Variants in ZRANB1 observed in about 807,000 individuals in gnomAD.
ZRANB1 encodes ubiquitin thioesterase ZRANB1.
ZRANB1 carries 16 observed loss-of-function variants against 80.5 expected under a neutral mutation model. That is an observed-to-expected ratio of 0.20 (90% CI 0.13 to 0.30). ZRANB1 has a LOEUF of 0.30. Among genes scored for constraint, ZRANB1 ranks in the 10% least tolerant of loss-of-function variants. The pLI is 1.00. For missense variants in ZRANB1, 576 were observed against 862.6 expected, an observed-to-expected ratio of 0.67 and a Z score of 4.16; for synonymous variants, 291 against 293.1, an observed-to-expected ratio of 0.99 and a Z score of 0.07.
At chr10:124,940,159 A>G (rs1357536339), upstream of ZRANB1, among the ~76,000 whole-genome samples, 6 of 152,256 alleles carry the variant, frequency 3.9e-5, no homozygotes, top group African/African-American at 1.4e-4. Flanking sequence ...TTAAGGTTAT[A>G]TAGAAAAATG....
At chr10:124,988,189 A>AT (rs1305348568), downstream of ZRANB1, 1 of 152,616 alleles carries the variant, frequency 6.6e-6, no homozygotes, top group African/African-American at 2.4e-5. Context: ...ATCACAGGTA[A>AT]TTAATTGTCA....
intron 1 of ZRANB1, chr10:124,945,492 G>T (rs1030942706): frequency 7.0e-6 from 1 of 142,564 alleles, no homozygotes; most frequent in Non-Finnish European, 1.5e-5. Flanking sequence ...GTACATGTAG[G>T]TTTATAGATG....
At chr10:124,968,903 A>G (rs1951797993) in intron 2 of ZRANB1, among the ~76,000 whole-genome samples, 2 of 152,202 alleles carry the variant, frequency 1.3e-5, no homozygotes, top group Admixed American at 1.3e-4. Flanking sequence ...CAACAAATGT[A>G]TGTTATCTCA....
chr10:124,966,274 T>A (rs908924525), intron 1 of ZRANB1, among the ~76,000 whole-genome samples: 1 of 152,050 alleles, frequency 6.6e-6, no homozygotes, highest in African/African-American at 2.4e-5. Context: ...TCAGTGTCTC[T>A]TGTTACGTCT....
intron 2 of ZRANB1, among the ~76,000 whole-genome samples, chr10:124,967,724 A>G (rs1331734822): frequency 6.6e-6 from 1 of 152,038 alleles, no homozygotes; most frequent in Non-Finnish European, 1.5e-5. Context: ...AGAGGGTTGG[A>G]GAGACTGAGA....
chr10:124,983,658 A>G lies in ZRANB1; in HGVS notation c.1878A>G (p.Leu626=), dbSNP rs1241693195. ...FLPLVDSERK[L]LHVHFLSAQE... ...CTCTGGTTGACAGTGAAAGGAAGCT[A>G]CTCCATGTGCACTTCCTTTCTGCTC... Residue 626 remains leucine, a synonymous_variant, in exon 8 of 9, where the codon CTA becomes CTG. Transcript: ENST00000359653. This position sits in a 1 kb window ranked among gnomAD's most constrained non-coding sequence, Gnocchi z 6.2. 1.2e-6 allele frequency: 2 copies of G among 1,604,754 alleles called. No homozygotes were observed. Among genetic ancestry groups the G allele is most frequent in the Admixed American group, 3.4e-5 (2 of 58,232 alleles).
chr10:124,946,553 TC>T (rs1400098202), intron 1 of ZRANB1: 1 of 152,214 alleles, frequency 6.6e-6, no homozygotes, highest in Non-Finnish European at 1.5e-5. Flanking sequence ...GTTTCTAGAT[TC>T]TTAGGGGCAA....
At chr10:124,922,266 TATATATATATGTAAA>T in the ZRANB1 span, among the ~76,000 whole-genome samples, 8 of 75,348 alleles carry the variant, frequency 1.1e-4, no homozygotes, top group African/African-American at 3.0e-4. Context: ...GTAAAATATA[TATATATATATGTAAA>T]ATATATATAT....
At position 124,983,680 on chromosome 10, in the gene ZRANB1, G is replaced by C. The variant is rs769629662; in HGVS notation, c.1900G>C (p.Ala634Pro). ...RKLLHVHFLS[A>P]QELGNEEQQE... is the part of the protein sequence containing the mutation. The stretch of plus-strand genomic sequence containing the variant: ...GCTACTCCATGTGCACTTCCTTTCT[G>C]CTCAGGAGGTAAGCAGTTTCTCCTA... The change falls in exon 8 of 9, where the codon GCT (alanine) becomes CCT (proline). Residue 634 changes from alanine to proline, a missense_variant. This residue lies in a region of ZRANB1 where 152 missense variants were observed against 221.9 expected (regional missense o/e 0.69). Coordinates refer to ENST00000359653, the MANE Select transcript of ZRANB1 (RefSeq NM_017580.3). The surrounding 1 kb of genome is among the most constrained non-coding windows in gnomAD (Gnocchi z 6.2). 1.3e-6 allele frequency: 2 copies of C among 1,584,676 alleles called. No homozygotes were observed. The highest frequency in any genetic ancestry group is 1.7e-4 in the Middle Eastern group (1 of 5,772).
At chr10:124,938,682 A>G (rs1951508852), upstream of ZRANB1, among the ~76,000 whole-genome samples, 6 of 151,628 alleles carry the variant, frequency 4.0e-5, no homozygotes, top group Admixed American at 4.0e-4. Flanking sequence ...AAGTTCTCTC[A>G]GAGTGAACAC....
At chr10:124,956,500 GC>G (rs1279864809) in intron 1 of ZRANB1, among the ~76,000 whole-genome samples, 2 of 151,986 alleles carry the variant, frequency 1.3e-5, no homozygotes, top group African/African-American at 4.8e-5. Context: ...ACGGAGTCTT[GC>G]TCTGTCGCCC....
intron 1 of ZRANB1, among the ~76,000 whole-genome samples, chr10:124,958,084 A>G (rs560494962): frequency 2.8e-4 from 43 of 152,304 alleles, no homozygotes; most frequent in Non-Finnish European, 5.1e-4. Flanking sequence ...TGTATACCAC[A>G]TTTTGTTTAT....
chr10:124,958,803 G>A (rs936276277), intron 1 of ZRANB1, among the ~76,000 whole-genome samples: 3 of 152,056 alleles, frequency 2.0e-5, no homozygotes, highest in Non-Finnish European at 4.4e-5. Context: ...GTGAGTTGTT[G>A]ATTCATGTCT....
At chr10:124,920,150 T>G in the ZRANB1 span, among the ~76,000 whole-genome samples, 9 of 151,338 alleles carry the variant, frequency 5.9e-5, no homozygotes, top group Non-Finnish European at 1.3e-4. Context: ...CTCGAACTCC[T>G]GACCTCAGAT....
chr10:124,929,482 C>T, the ZRANB1 span, among the ~76,000 whole-genome samples: 6 of 151,738 alleles, frequency 4.0e-5, no homozygotes, highest in Middle Eastern at 3.4e-3. Context: ...ATTACAGGTG[C>T]GCACCACCAC....
intron 1 of ZRANB1, among the ~76,000 whole-genome samples, chr10:124,949,372 A>G (rs1054220620): frequency 1.3e-5 from 2 of 150,626 alleles, no homozygotes; most frequent in African/African-American, 5.0e-5. Context: ...GGGGAAAAAA[A>G]TCAAACTTAA....
At position 124,953,480 on chromosome 10, in the gene ZRANB1, T is replaced by C. The variant is rs558242471; in HGVS notation, c.814+10173T>C. 3.9e-5 allele frequency among the ~76,000 whole-genome samples: 6 copies of C among 152,344 alleles called. No homozygotes were observed. In the South Asian group the frequency reaches 1.0e-3, roughly 26 times the overall value. On this transcript the variant is annotated intron_variant, in intron 1 of 8. Coordinates refer to ENST00000359653, the MANE Select transcript of ZRANB1 (RefSeq NM_017580.3). The stretch of plus-strand genomic sequence containing the variant: ...AATATTAATGTTTTCAGCCCTGCCT[T>C]TTTTCAGGTCAGCGAAATAAATATG...
intron 1 of ZRANB1, among the ~76,000 whole-genome samples, chr10:124,964,348 A>G (rs1474455175): frequency 6.6e-6 from 1 of 152,308 alleles, no homozygotes; most frequent in East Asian, 1.9e-4. Context: ...TTAACTTCTA[A>G]TTACAGAAAT....
chr10:124,949,464 TAC>T (rs986446243), intron 1 of ZRANB1, among the ~76,000 whole-genome samples: 38 of 151,546 alleles, frequency 2.5e-4, no homozygotes, highest in African/African-American at 8.2e-4. Context: ...TATATATGTT[TAC>T]ACACACATAT....
Sources: gnomAD v4.1 joint callset for allele counts (sites outside exome capture counted in the v4.1 genomes callset) on GRCh38, gnomAD v4.1.1 for gene constraint, gnomAD v4.1.1 regional missense constraint, Gnocchi (gnomAD v3.1) non-coding constraint, MANE v1.5 for transcripts, NCBI Gene and HGNC (gene_info 2026-07-23, HGNC 2026-07-21) for gene names.